The following ANKRD9 variants were observed in gnomAD, a reference collection of about 807,000 sequenced individuals.
ANKRD9 encodes the protein ankyrin repeat domain 9, also known as ankyrin repeat domain-containing protein 9.
In ANKRD9, 13 loss-of-function variants were observed where a neutral mutation model predicts 19.2. The ratio of observed to expected loss-of-function variants is 0.68; its 90% confidence interval spans 0.44 to 1.08. ANKRD9 has a LOEUF of 1.08. Among genes scored for constraint, ANKRD9 ranks in the 50% least tolerant of loss-of-function variants. The pLI is 0.00. For synonymous variants in ANKRD9, 278 were observed against 256.8 expected, an observed-to-expected ratio of 1.08 and a Z score of -0.79; for missense variants, 518 against 499.9, an observed-to-expected ratio of 1.04 and a Z score of -0.34.
Position 102,507,760 on chromosome 14 carries a change from G to C in ANKRD9, c.130C>G (p.Leu44Val). 6.6e-7 allele frequency: 1 copy of C among 1,505,762 alleles called. No individual in the cohort carries two copies. The highest frequency in any genetic ancestry group is 1.2e-5 in the South Asian group (1 of 82,878). The allele number at this position is 1,505,762 out of a possible 1,614,324, so 93.3% of individuals were successfully genotyped here. A position where few individuals can be genotyped will look rare whatever the true frequency, so the allele number is the denominator to read the frequency against. ...TCCTCCAGCAGCCACACGGGTAGCA[G>C]GTCGCGCACCGCCTGGTAGAAGGCG... is the stretch of plus-strand genomic sequence containing the variant. ...SFAFYQAVRD[L>V]LPVWLLEDMR... The change falls in exon 4 of 4, where the codon CTG (leucine) becomes GTG (valine). Residue 44 changes from leucine (L) to valine (V), a missense_variant. Physicochemically the swap from Leu to Val is conservative, Grantham distance 32 (BLOSUM62 1). Coordinates refer to ENST00000286918, the MANE Select transcript of ANKRD9 (RefSeq NM_152326.4). The surrounding 1 kb of genome is among the most constrained non-coding windows in gnomAD (Gnocchi z 9.2).
At position 102,502,526 on chromosome 14, in the gene ANKRD9, T is replaced by C. The variant is rs1398635340; in HGVS notation, c.*4410A>G. 1 of 152,580 alleles carries C rather than the reference T, an allele frequency of 6.6e-6. No individual in the cohort carries two copies. Among genetic ancestry groups the C allele is most frequent in the Non-Finnish European group, 1.5e-5 (1 of 68,032 alleles). 9.5% of individuals were successfully genotyped at this position (152,580 alleles called of 1,614,324 possible). On this transcript the variant is annotated 3_prime_UTR_variant, in exon 4 of 4. Coordinates refer to ENST00000286918, the MANE Select transcript of ANKRD9 (RefSeq NM_152326.4). Reference sequence around the variant, plus strand: ...TGTTATCAAGGCTGGTTGAGTCAAATATCACAAAGTAGACACCAATGACTT... The same window carrying C: ...TGTTATCAAGGCTGGTTGAGTCAAACATCACAAAGTAGACACCAATGACTT...
Position 102,507,593 on chromosome 14 carries a change from C to G in ANKRD9, c.297G>C (p.Ala99=). 2.8e-6 allele frequency: 4 copies of G among 1,448,098 alleles called. No individual in the cohort carries two copies. Among genetic ancestry groups the G allele is most frequent in the Non-Finnish European group, 3.6e-6 (4 of 1,099,758 alleles). 89.7% of individuals were successfully genotyped at this position (1,448,098 alleles called of 1,614,324 possible). A position where few individuals can be genotyped will look rare whatever the true frequency, so the allele number is the denominator to read the frequency against. Residue 99 remains alanine (A), a synonymous_variant, in exon 4 of 4, where the codon GCG becomes GCC. Coordinates refer to ENST00000286918, the MANE Select transcript of ANKRD9 (RefSeq NM_152326.4). This position sits in a 1 kb window ranked among gnomAD's most constrained non-coding sequence, Gnocchi z 9.2. ...GGAAGCCGGCACTGGGCGGTGCGAG[C>G]GCGCGCCGCGGGAACGTGGCCAGCA... ...HYLLATFPRR[A]LAPPSAGFRC...
Position 102,502,599 on chromosome 14 carries a change from C to G in ANKRD9, c.*4337G>C, listed in dbSNP as rs1305168175. The G allele has an allele frequency of 1.3e-5, 2 of 152,230 alleles. No homozygotes were observed. The highest frequency in any genetic ancestry group is 2.9e-5 in the Non-Finnish European group (2 of 68,022). 9.4% of individuals were successfully genotyped at this position (152,230 alleles called of 1,614,324 possible). A position where few individuals can be genotyped will look rare whatever the true frequency, so the allele number is the denominator to read the frequency against. On this transcript the variant is annotated 3_prime_UTR_variant, in exon 4 of 4. Transcript: ENST00000286918. ...TACAATGGGGGAAATGCTTATACTACATTAAGGTTAAAAAAATACTAAATT... is the reference window on the plus strand; with the variant it reads ...TACAATGGGGGAAATGCTTATACTAGATTAAGGTTAAAAAAATACTAAATT...
In ANKRD9 at chr14:102,502,563, T is replaced by A. The variant is rs1891469450; in HGVS notation, c.*4373A>T. 6.6e-6 allele frequency: 1 copy of A among 152,544 alleles called. No homozygotes were observed. 9.4% of individuals were successfully genotyped at this position (152,544 alleles called of 1,614,324 possible). ...GACACCAATGACTTCTTAAAAATCA[T>A]ATTTACAAAGTACAATGGGGGAAAT... On this transcript the variant is annotated 3_prime_UTR_variant, in exon 4 of 4. Coordinates refer to ENST00000286918, the MANE Select transcript of ANKRD9 (RefSeq NM_152326.4).
chr14:102,506,222 A>C lies in ANKRD9; in HGVS notation c.*714T>G, dbSNP rs951842874. 1 of 152,032 alleles carries C rather than the reference A, an allele frequency of 6.6e-6. No individual in the cohort carries two copies. The highest frequency in any genetic ancestry group is 2.4e-5 in the African/African-American group (1 of 41,360). The allele number at this position is 152,032 out of a possible 1,614,324, so 9.4% of individuals were successfully genotyped here. A position where few individuals can be genotyped will look rare whatever the true frequency, so the allele number is the denominator to read the frequency against. On this transcript the variant is annotated 3_prime_UTR_variant, in exon 4 of 4. Transcript: ENST00000286918. ...CCTGGAGGAAGGCACATCCAACCCC[A>C]CTGACCGGCATGCACCTGGGGCCAG...
rs1891620295 is a variant in ANKRD9, at chr14:102,507,127, G to A, written c.763C>T (p.Arg255Trp). 3.4e-6 allele frequency: 5 copies of A among 1,487,842 alleles called. No individual in the cohort carries two copies. Among genetic ancestry groups the A allele is most frequent in the Non-Finnish European group, 3.6e-6 (4 of 1,125,764 alleles). 92.2% of individuals were successfully genotyped at this position (1,487,842 alleles called of 1,614,324 possible). Residue 255 changes from arginine (R) to tryptophan (W), a missense_variant, in exon 4 of 4, where the codon CGG (arginine) becomes TGG (tryptophan). By Grantham distance (101) the Arg-to-Trp change is moderately radical. Coordinates refer to ENST00000286918, the MANE Select transcript of ANKRD9 (RefSeq NM_152326.4). The surrounding 1 kb of genome is among the most constrained non-coding windows in gnomAD (Gnocchi z 9.2). ...GSARQELLGD[R>W]PRWQRLLGED... ...CCCAGCAGCCGCTGCCAGCGCGGCC[G>A]GTCGCCCAGCAGCTCCTGGCGGGCC...
chr14:102,507,562 A>G lies in ANKRD9; in HGVS notation c.328T>C (p.Cys110Arg), dbSNP rs766553133. The G allele has an allele frequency of 7.4e-6, 10 of 1,357,940 alleles. No individual in the cohort carries two copies. The highest frequency in any genetic ancestry group is 6.6e-6 in the Non-Finnish European group (7 of 1,056,078). The allele number at this position is 1,357,940 out of a possible 1,614,324, so 84.1% of individuals were successfully genotyped here. ...GCCACGTGCGGCCCGGGAGCCGCGC[A>G]GCAGCGGAAGCCGGCACTGGGCGGT... ...LAPPSAGFRC[C>R]AAPGPHVALA... Residue 110 changes from cysteine (C) to arginine (R), a missense_variant, in exon 4 of 4, where the codon TGC becomes CGC. Cys to Arg is a radical substitution (Grantham distance 180). Coordinates refer to ENST00000286918, the MANE Select transcript of ANKRD9 (RefSeq NM_152326.4). The surrounding 1 kb of genome is among the most constrained non-coding windows in gnomAD (Gnocchi z 9.2).
Position 102,507,468 on chromosome 14 carries a change from G to T in ANKRD9, c.422C>A (p.Ala141Asp). 7.1e-7 allele frequency: 1 copy of T among 1,399,124 alleles called. No homozygotes were observed. The highest frequency in any genetic ancestry group is 9.3e-7 in the Non-Finnish European group (1 of 1,073,288). 86.7% of individuals were successfully genotyped at this position (1,399,124 alleles called of 1,614,324 possible). A position where few individuals can be genotyped will look rare whatever the true frequency, so the allele number is the denominator to read the frequency against. The part of the protein sequence containing the change: ...RILRTLRDFP[A>D]EERARVLDRR... ...GTCCAGCACGCGCGCCCGCTCCTCG[G>T]CCGGGAAGTCGCGCAAGGTGCGCAG... The change falls in exon 4 of 4, where the codon GCC becomes GAC. Residue 141 changes from alanine to aspartate, a missense_variant. Coordinates refer to ENST00000286918, the MANE Select transcript of ANKRD9 (RefSeq NM_152326.4). This position sits in a 1 kb window ranked among gnomAD's most constrained non-coding sequence, Gnocchi z 9.2.
chr14:102,505,464 C>T lies in ANKRD9; in HGVS notation c.*1472G>A, dbSNP rs1891561847. On this transcript the variant is annotated 3_prime_UTR_variant, in exon 4 of 4. Coordinates refer to ENST00000286918, the MANE Select transcript of ANKRD9 (RefSeq NM_152326.4). The stretch of plus-strand genomic sequence containing the variant: ...CTCACTCCAGCCTGCAGTCTGGGCT[C>T]TGTCACTGTGCTGTCTCTCCATCCT... 6.6e-6 allele frequency: 1 copy of T among 152,476 alleles called. No homozygotes were observed. The highest frequency in any genetic ancestry group is 1.5e-5 in the Non-Finnish European group (1 of 68,190). 9.4% of individuals were successfully genotyped at this position (152,476 alleles called of 1,614,324 possible).
In ANKRD9 at chr14:102,502,677, A is replaced by G. The variant is rs988742992; in HGVS notation, c.*4259T>C. The G allele has an allele frequency of 6.6e-6, 1 of 152,212 alleles. No homozygotes were observed. Among genetic ancestry groups the G allele is most frequent in the African/African-American group, 2.4e-5 (1 of 41,466 alleles). The allele number at this position is 152,212 out of a possible 1,614,324, so 9.4% of individuals were successfully genotyped here. ...ATAAATATACACAGAAAAAAATGTA[A>G]TATATATCTGCACAGAAAAAAGCTG... On this transcript the variant is annotated 3_prime_UTR_variant, in exon 4 of 4. Transcript: ENST00000286918.
In ANKRD9 at chr14:102,503,318, C is replaced by T. The variant is rs1356141429; in HGVS notation, c.*3618G>A. On this transcript the variant is annotated 3_prime_UTR_variant, in exon 4 of 4. Coordinates refer to ENST00000286918, the MANE Select transcript of ANKRD9 (RefSeq NM_152326.4). ...TTTTTTTTTGAGATGGAGTCTTGCTCTGTCGCCCAGGCTGGAGTGCAATGG... is the reference window on the plus strand; with the variant it reads ...TTTTTTTTTGAGATGGAGTCTTGCTTTGTCGCCCAGGCTGGAGTGCAATGG... The T allele has an allele frequency of 8.3e-6, 1 of 120,062 alleles. No individual in the cohort carries two copies. The highest frequency in any genetic ancestry group is 1.6e-5 in the Non-Finnish European group (1 of 61,082). The allele number at this position is 120,062 out of a possible 1,614,324, so 7.4% of individuals were successfully genotyped here.
Position 102,507,041 on chromosome 14 carries a change from C to T in ANKRD9, c.849G>A (p.Met283Ile). ...LAPPSLFARA[M>I]QVLVTAISPG... ...GAGAGATGGCGGTGACCAGCACCTG[C>T]ATGGCGCGCGCGAAGAGCGAGGGCG... is the stretch of plus-strand genomic sequence containing the variant. The change falls in exon 4 of 4, where the codon ATG (methionine) becomes ATA (isoleucine). Residue 283 changes from methionine to isoleucine, a missense_variant. By Grantham distance (10) the Met-to-Ile change is conservative. Coordinates refer to ENST00000286918, the MANE Select transcript of ANKRD9 (RefSeq NM_152326.4). This position sits in a 1 kb window ranked among gnomAD's most constrained non-coding sequence, Gnocchi z 9.2. 6.3e-7 allele frequency: 1 copy of T among 1,580,686 alleles called. No homozygotes were observed. Among genetic ancestry groups the T allele is most frequent in the South Asian group, 1.1e-5 (1 of 87,816 alleles).
chr14:102,508,779 TC>T lies in ANKRD9; in HGVS notation c.-268del, dbSNP rs1467404851. The T allele has an allele frequency of 6.6e-6, 1 of 151,864 alleles. No homozygotes were observed. The highest frequency in any genetic ancestry group is 6.6e-5 in the Admixed American group (1 of 15,198). 9.4% of individuals were successfully genotyped at this position (151,864 alleles called of 1,614,324 possible). On this transcript the variant is annotated 5_prime_UTR_variant, in exon 2 of 4. An upstream open reading frame in the 5' UTR loses its in-frame stop. Transcript: ENST00000286918. The surrounding 1 kb of genome is among the most constrained non-coding windows in gnomAD (Gnocchi z 6.2). Reference sequence around the variant, plus strand: ...CTACTAGATGAAGCGGGTACTGCCATCCCACTTTCCAGCAGGGCACAAGCTT... The same window carrying T: ...CTACTAGATGAAGCGGGTACTGCCATCCACTTTCCAGCAGGGCACAAGCTT...
Position 102,507,592 on chromosome 14 carries a change from G to A in ANKRD9, c.298C>T (p.Leu100Phe), listed in dbSNP as rs777205600. The change falls in exon 4 of 4, where the codon CTC (leucine) becomes TTC (phenylalanine). Residue 100 changes from leucine (L) to phenylalanine (F), a missense_variant. Leu to Phe is a conservative substitution (Grantham distance 22). Transcript: ENST00000286918. The surrounding 1 kb of genome is among the most constrained non-coding windows in gnomAD (Gnocchi z 9.2). Reference sequence around the variant, plus strand: ...CGGAAGCCGGCACTGGGCGGTGCGAGCGCGCGCCGCGGGAACGTGGCCAGC... The same window carrying A: ...CGGAAGCCGGCACTGGGCGGTGCGAACGCGCGCCGCGGGAACGTGGCCAGC... ...YLLATFPRRA[L>F]APPSAGFRCC... The A allele has an allele frequency of 1.1e-5, 16 of 1,448,594 alleles. No individual in the cohort carries two copies. The highest frequency in any genetic ancestry group is 1.4e-5 in the Non-Finnish European group (15 of 1,100,156). The allele number at this position is 1,448,594 out of a possible 1,614,324, so 89.7% of individuals were successfully genotyped here. A position where few individuals can be genotyped will look rare whatever the true frequency, so the allele number is the denominator to read the frequency against.
chr14:102,507,505 G>T lies in ANKRD9; in HGVS notation c.385C>A (p.Leu129Met). The T allele has an allele frequency of 7.3e-7, 1 of 1,372,546 alleles. No homozygotes were observed. Among genetic ancestry groups the T allele is most frequent in the Non-Finnish European group, 9.4e-7 (1 of 1,061,292 alleles). The allele number at this position is 1,372,546 out of a possible 1,614,324, so 85.0% of individuals were successfully genotyped here. Reference sequence around the variant, plus strand: ...CGCAAGGTGCGCAGGATGCGGCGCAGAATGCCCACGCGGTTGTAGCGCACT... The same window carrying T: ...CGCAAGGTGCGCAGGATGCGGCGCATAATGCCCACGCGGTTGTAGCGCACT... Reference protein sequence around the residue: ...LAVRYNRVGILRRILRTLRDF... With the variant: ...LAVRYNRVGIMRRILRTLRDF... The change falls in exon 4 of 4, where the codon CTG becomes ATG. Residue 129 changes from leucine to methionine, a missense_variant. By Grantham distance (15) the Leu-to-Met change is conservative. Coordinates refer to ENST00000286918, the MANE Select transcript of ANKRD9 (RefSeq NM_152326.4). The surrounding 1 kb of genome is among the most constrained non-coding windows in gnomAD (Gnocchi z 9.2).
rs1284201977 is a variant in ANKRD9 at position 102,506,908 on chromosome 14, A to C, written c.*28T>G. The C allele has an allele frequency of 2.8e-6, 4 of 1,439,296 alleles. No individual in the cohort carries two copies. Among genetic ancestry groups the C allele is most frequent in the East Asian group, 2.7e-5 (1 of 37,090 alleles). 89.2% of individuals were successfully genotyped at this position (1,439,296 alleles called of 1,614,324 possible). ...ACGCTCTGAAAAATAGTTTTGTCCC[A>C]AAATCCAGCGCCTAGGGTGCTCCGG... is the stretch of plus-strand genomic sequence containing the variant. On this transcript the variant is annotated 3_prime_UTR_variant, in exon 4 of 4. Transcript: ENST00000286918.
At position 102,506,171 on chromosome 14, in the gene ANKRD9, C is replaced by T. The variant is rs1024488614; in HGVS notation, c.*765G>A. The T allele has an allele frequency of 1.3e-5, 2 of 152,298 alleles. No individual in the cohort carries two copies. The highest frequency in any genetic ancestry group is 2.9e-5 in the Non-Finnish European group (2 of 68,108). 9.4% of individuals were successfully genotyped at this position (152,298 alleles called of 1,614,324 possible). The stretch of plus-strand genomic sequence containing the variant: ...GGGCCACCAGGGAGCCCACCAAGCC[C>T]ACTCCGGGCTTGGACAGAGGGCAGG... On this transcript the variant is annotated 3_prime_UTR_variant, in exon 4 of 4. Transcript: ENST00000286918.
In ANKRD9 at chr14:102,507,582, G is replaced by A; in HGVS notation, c.308C>T (p.Pro103Leu). The A allele has an allele frequency of 7.1e-7, 1 of 1,412,564 alleles. No homozygotes were observed. Among genetic ancestry groups the A allele is most frequent in the Non-Finnish European group, 9.2e-7 (1 of 1,082,322 alleles). The allele number at this position is 1,412,564 out of a possible 1,614,324, so 87.5% of individuals were successfully genotyped here. Residue 103 changes from proline (P) to leucine (L), a missense_variant, in exon 4 of 4, where the codon CCC (proline) becomes CTC (leucine). Pro to Leu is a moderately conservative substitution (Grantham distance 98, BLOSUM62 -3). Coordinates refer to ENST00000286918, the MANE Select transcript of ANKRD9 (RefSeq NM_152326.4). The surrounding 1 kb of genome is among the most constrained non-coding windows in gnomAD (Gnocchi z 9.2). The part of the protein sequence containing the change: ...ATFPRRALAP[P>L]SAGFRCCAAP... The stretch of plus-strand genomic sequence containing the variant: ...CGCGCAGCAGCGGAAGCCGGCACTG[G>A]GCGGTGCGAGCGCGCGCCGCGGGAA...
At position 102,504,122 on chromosome 14, in the gene ANKRD9, T is replaced by A. The variant is rs771566344; in HGVS notation, c.*2814A>T. 1 of 152,156 alleles carries A rather than the reference T, an allele frequency of 6.6e-6. No homozygotes were observed. Among genetic ancestry groups the A allele is most frequent in the Non-Finnish European group, 1.5e-5 (1 of 68,058 alleles). 9.4% of individuals were successfully genotyped at this position (152,156 alleles called of 1,614,324 possible). ...TGGCTTTTGATGAGCCCAGGAGGGCTCAGCCTTCACTATCCTCCCTAACAG... is the reference window on the plus strand; with the variant it reads ...TGGCTTTTGATGAGCCCAGGAGGGCACAGCCTTCACTATCCTCCCTAACAG... On this transcript the variant is annotated 3_prime_UTR_variant, in exon 4 of 4. Transcript: ENST00000286918.
Sources: allele counts gnomAD v4.1 joint callset, GRCh38; gene constraint gnomAD v4.1.1; non-coding constraint Gnocchi (gnomAD v3.1); transcripts MANE v1.5; gene names NCBI Gene and HGNC (gene_info 2026-07-23, HGNC 2026-07-21).